The following PIP5K1B variants were observed in gnomAD, a reference collection of about 807,000 sequenced individuals.
The protein encoded by PIP5K1B is phosphatidylinositol-4-phosphate 5-kinase type 1 beta.
In PIP5K1B, 42 loss-of-function variants were observed where a neutral mutation model predicts 67.0. The ratio of observed to expected loss-of-function variants is 0.63; its 90% CI spans 0.49 to 0.81. PIP5K1B has a LOEUF of 0.81. Among genes scored for constraint, PIP5K1B ranks in the 30% least tolerant of loss-of-function variants. PIP5K1B has a pLI of 0.00. For synonymous variants in PIP5K1B, 214 were observed against 231.4 expected (o/e 0.92, Z 0.68); for missense variants, 459 against 646.3 (o/e 0.71, Z 3.14).
chr9:69,007,870 T>A (rs933639091), intron 15 of PIP5K1B, among the ~76,000 whole-genome samples: 2 of 150,494 alleles, frequency 1.3e-5, no homozygotes, highest in African/African-American at 4.9e-5. Flanking sequence ...AAAAAAAAAA[T>A]AGGAAATCAG....
At chr9:68,885,624 G>C (rs1454540417) in intron 6 of PIP5K1B, among the ~76,000 whole-genome samples, 3 of 151,672 alleles carry the variant, frequency 2.0e-5, no homozygotes, top group Non-Finnish European at 2.9e-5. Flanking sequence ...CTAAGTGGGA[G>C]CTAAGCTATG....
chr9:68,983,392 G>C (rs551004996), intron 14 of PIP5K1B, among the ~76,000 whole-genome samples: 1 of 152,262 alleles, frequency 6.6e-6, no homozygotes, highest in South Asian at 2.1e-4. Context: ...TATGATGGCA[G>C]AGCAAGGAGA....
At chr9:68,724,471 G>A (rs993908844) in intron 1 of PIP5K1B, among the ~76,000 whole-genome samples, 19 of 151,944 alleles carry the variant, frequency 1.3e-4, no homozygotes, top group East Asian at 5.8e-4. Context: ...AATCTACTCC[G>A]TATAGCGATG....
chr9:68,887,469 G>C (rs549310061), intron 6 of PIP5K1B, among the ~76,000 whole-genome samples: 11 of 152,304 alleles, frequency 7.2e-5, no homozygotes, highest in South Asian at 2.1e-4. Context: ...GAGAGAGAAG[G>C]CTGGGGAGGA....
At chr9:68,752,994 G>A (rs530837641) in intron 2 of PIP5K1B, among the ~76,000 whole-genome samples, 2 of 152,086 alleles carry the variant, frequency 1.3e-5, no homozygotes, top group Non-Finnish European at 2.9e-5. Context: ...TTTTCTTCTA[G>A]TACTTTTGTG....
intron 3 of PIP5K1B, among the ~76,000 whole-genome samples, chr9:68,819,286 C>CT (rs1393491927): frequency 1.3e-5 from 2 of 152,084 alleles, no homozygotes; most frequent in Non-Finnish European, 2.9e-5. Flanking sequence ...TTTTGTTTCT[C>CT]TTTTTGAGAC....
intron 14 of PIP5K1B, among the ~76,000 whole-genome samples, chr9:68,943,627 T>C (rs1300015542): frequency 1.4e-5 from 2 of 144,110 alleles, no homozygotes; most frequent in African/African-American, 5.2e-5. Context: ...CAAAACCTAA[T>C]CCAGAGAGCC....
chr9:68,708,193 AAGGT>A (rs1222559367), intron 1 of PIP5K1B: 1 of 151,934 alleles, frequency 6.6e-6, no homozygotes, highest in Non-Finnish European at 1.5e-5. Context: ...AAAGTACTGT[AAGGT>A]ACATGTCAGG....
intron 15 of PIP5K1B, among the ~76,000 whole-genome samples, chr9:69,002,573 A>G (rs556677496): frequency 1.4e-4 from 22 of 152,286 alleles, no homozygotes; most frequent in Non-Finnish European, 2.8e-4. Context: ...TTGTGAAGTA[A>G]TTCCCAATAG....
intron 1 of PIP5K1B, among the ~76,000 whole-genome samples, chr9:68,717,662 A>T (rs1827698200): frequency 1.3e-5 from 2 of 152,130 alleles, no homozygotes; most frequent in Admixed American, 6.5e-5. Flanking sequence ...ATCCCACCCT[A>T]TGACCTAATC....
intron 5 of PIP5K1B, among the ~76,000 whole-genome samples, chr9:68,868,979 CATT>C (rs1288263360): frequency 6.6e-6 from 1 of 152,186 alleles, no homozygotes; most frequent in Non-Finnish European, 1.5e-5. Flanking sequence ...AAGGGTAAAA[CATT>C]ATCCTAAATG....
chr9:68,780,082 G>GTATCATTAAA, intron 2 of PIP5K1B: 4 of 1,334,324 alleles, frequency 3.0e-6, no homozygotes, highest in Admixed American at 3.3e-5. Flanking sequence ...CGGTGGCGGC[G>GTATCATTAAA]GCAGCGGCGG....
intron 2 of PIP5K1B, among the ~76,000 whole-genome samples, chr9:68,807,241 T>G (rs984420675): frequency 6.6e-6 from 1 of 152,202 alleles, no homozygotes; most frequent in Non-Finnish European, 1.5e-5. Flanking sequence ...GAATAGATCT[T>G]AAGTGGTCAT....
intron 2 of PIP5K1B, among the ~76,000 whole-genome samples, chr9:68,776,113 GCA>G (rs2132437902): frequency 6.6e-6 from 1 of 152,218 alleles, no homozygotes; most frequent in East Asian, 1.9e-4. Context: ...TGGTTTTAAA[GCA>G]CAGTTTTTTC....
intron 8 of PIP5K1B, among the ~76,000 whole-genome samples, chr9:68,910,823 G>A (rs1303480960): frequency 3.3e-5 from 5 of 152,200 alleles, no homozygotes; most frequent in Non-Finnish European, 7.3e-5. Context: ...TAGAAGAAAC[G>A]ACATGAGCAG....
At chr9:69,007,593 C>T (rs537181463) in intron 15 of PIP5K1B, among the ~76,000 whole-genome samples, 4 of 152,284 alleles carry the variant, frequency 2.6e-5, no homozygotes, top group African/African-American at 9.6e-5. Context: ...TGAGGTGGCT[C>T]ACGCCTGTAA....
At chr9:68,852,492 A>G (rs1168281751) in intron 4 of PIP5K1B, among the ~76,000 whole-genome samples, 1 of 152,134 alleles carries the variant, frequency 6.6e-6, no homozygotes, top group Non-Finnish European at 1.5e-5. Flanking sequence ...GGAGGGAGGG[A>G]TGGAAGTAAA....
intron 2 of PIP5K1B, among the ~76,000 whole-genome samples, chr9:68,743,165 G>A (rs1829099212): frequency 6.6e-6 from 1 of 151,462 alleles, no homozygotes; most frequent in Non-Finnish European, 1.5e-5. Context: ...GAAACCTTCA[G>A]ATCCTCTGCT....
intron 12 of PIP5K1B, among the ~76,000 whole-genome samples, chr9:68,932,737 A>ATGTT (rs1827060894): frequency 1.3e-5 from 2 of 152,168 alleles, no homozygotes; most frequent in Admixed American, 1.3e-4. Flanking sequence ...TTTTAACATC[A>ATGTT]CAGATCTTCT....
Sources: allele counts gnomAD v4.1 joint callset (sites outside exome capture counted in the v4.1 genomes callset), GRCh38; gene constraint gnomAD v4.1.1; transcripts MANE v1.5; gene names NCBI Gene and HGNC (gene_info 2026-07-23, HGNC 2026-07-21).